CDH13: variants seen among roughly 807,000 people sequenced by gnomAD.
CDH13 encodes cadherin 13.
A neutral mutation model predicts 63.8 loss-of-function variants in CDH13; 24 were observed. That is an observed-to-expected ratio of 0.38 (90% CI 0.27 to 0.53). The LOEUF (loss-of-function observed/expected upper bound fraction) is 0.53, where lower values mean the gene tolerates loss of function less well. Among genes scored for constraint, CDH13 ranks in the 20% least tolerant of loss-of-function variants. The probability of loss-of-function intolerance (pLI) is 0.85; values close to 1 mark genes in which losing one functional copy is unlikely to be tolerated. For synonymous variants in CDH13, 503 were observed against 355.3 expected (o/e 1.42, Z -4.67); for missense variants, 1,049 against 903.1 (o/e 1.16, Z -2.07).
At chr16:82,784,016 G>T (rs1003006420) in intron 1 of CDH13, among the ~76,000 whole-genome samples, 1 of 152,142 alleles carries the variant, frequency 6.6e-6, no homozygotes, top group Non-Finnish European at 1.5e-5. Flanking sequence ...GGAGGTGTGT[G>T]TGGCTGGGCA....
At chr16:83,123,323 A>G (rs1015523980) in intron 3 of CDH13, among the ~76,000 whole-genome samples, 4 of 151,894 alleles carry the variant, frequency 2.6e-5, no homozygotes, top group Admixed American at 6.6e-5. Context: ...CTTGTTGCCC[A>G]GGCTGGAGTG....
intron 1 of CDH13, among the ~76,000 whole-genome samples, chr16:82,668,039 A>T (rs1912810254): frequency 1.3e-5 from 2 of 152,112 alleles, no homozygotes; most frequent in African/African-American, 4.8e-5. Flanking sequence ...GAATCTTTAG[A>T]GATTATCTGT....
chr16:83,014,547 A>G (rs985956172), intron 2 of CDH13, among the ~76,000 whole-genome samples: 5 of 150,800 alleles, frequency 3.3e-5, no homozygotes, highest in African/African-American at 9.7e-5. Context: ...CAGCCTGGCC[A>G]ACATGGTGAA....
At chr16:83,787,842 C>T (rs1014290245) in intron 13 of CDH13, among the ~76,000 whole-genome samples, 1 of 152,240 alleles carries the variant, frequency 6.6e-6, no homozygotes. Flanking sequence ...ACTCGGGAGG[C>T]TGAGGCAGGA....
At chr16:82,719,557 C>G in intron 1 of CDH13, 1 of 406,440 alleles carries the variant, frequency 2.5e-6, no homozygotes, top group East Asian at 7.2e-5. Flanking sequence ...TTGATTAAAA[C>G]AAGTTAGGAT....
intron 1 of CDH13, among the ~76,000 whole-genome samples, chr16:82,627,804 C>T (rs139512845): frequency 6.6e-6 from 1 of 152,322 alleles, no homozygotes; most frequent in East Asian, 1.9e-4. Context: ...CGGAGCGTGT[C>T]CCCCGCCAGG....
At chr16:83,100,605 T>C (rs908375913) in intron 3 of CDH13, among the ~76,000 whole-genome samples, 1 of 152,262 alleles carries the variant, frequency 6.6e-6, no homozygotes, top group African/African-American at 2.4e-5. Context: ...TTCCCATGTC[T>C]GAAACTGTCT....
At chr16:83,529,414 G>C (rs1210305224) in intron 7 of CDH13, among the ~76,000 whole-genome samples, 1 of 151,830 alleles carries the variant, frequency 6.6e-6, no homozygotes, top group Non-Finnish European at 1.5e-5. Flanking sequence ...GTTTTTTGTA[G>C]GTACAAAAAA....
chr16:83,094,923 G>A (rs1278995845), intron 3 of CDH13, among the ~76,000 whole-genome samples: 1 of 152,118 alleles, frequency 6.6e-6, no homozygotes, highest in East Asian at 1.9e-4. Flanking sequence ...TTGAAAACCG[G>A]TTTGATGATG....
chr16:82,789,700 AG>A (rs1205055661), intron 1 of CDH13, among the ~76,000 whole-genome samples: 2 of 152,240 alleles, frequency 1.3e-5, no homozygotes, highest in Non-Finnish European at 2.9e-5. Flanking sequence ...TTTCATAAAC[AG>A]GGCTGTGCTG....
At chr16:83,763,068 C>G (rs1051884979) in intron 11 of CDH13, among the ~76,000 whole-genome samples, 1 of 152,138 alleles carries the variant, frequency 6.6e-6, no homozygotes, top group African/African-American at 2.4e-5. Context: ...TCATATTCCC[C>G]ATCTATTTCC....
intron 2 of CDH13, among the ~76,000 whole-genome samples, chr16:82,930,035 G>C (rs1257354614): frequency 1.6e-5 from 2 of 121,338 alleles, no homozygotes; most frequent in South Asian, 2.7e-4. Context: ...GCATTAGTTT[G>C]TCTCTTTTTT....
chr16:83,216,003 C>G (rs2039494490), intron 4 of CDH13, among the ~76,000 whole-genome samples: 2 of 147,374 alleles, frequency 1.4e-5, no homozygotes, highest in Admixed American at 6.8e-5. Context: ...CATACTTTGA[C>G]CCCAACTGCT....
chr16:83,478,508 T>G (rs2073671187), intron 6 of CDH13, among the ~76,000 whole-genome samples: 1 of 152,158 alleles, frequency 6.6e-6, no homozygotes, highest in South Asian at 2.1e-4. Flanking sequence ...CTGGATCAAA[T>G]GCACAGCTGG....
At chr16:82,963,379 C>G (rs1354882875) in intron 2 of CDH13, among the ~76,000 whole-genome samples, 2 of 152,080 alleles carry the variant, frequency 1.3e-5, no homozygotes, top group Non-Finnish European at 2.9e-5. Flanking sequence ...AACTCTGTCT[C>G]AAAGAAAAGA....
intron 10 of CDH13, among the ~76,000 whole-genome samples, chr16:83,690,468 T>C (rs967813231): frequency 9.9e-5 from 15 of 151,926 alleles, no homozygotes; most frequent in Admixed American, 3.9e-4. Context: ...CGAGGCAGAG[T>C]GTGCAGGATT....
intron 1 of CDH13, among the ~76,000 whole-genome samples, chr16:82,821,942 G>A (rs1319692339): frequency 6.6e-6 from 1 of 152,158 alleles, no homozygotes; most frequent in Non-Finnish European, 1.5e-5. Context: ...AGAATGTGTG[G>A]CAAAGGGAAC....
intron 7 of CDH13, among the ~76,000 whole-genome samples, chr16:83,563,604 C>A (rs544618376): frequency 1.2e-4 from 19 of 152,232 alleles, no homozygotes; most frequent in African/African-American, 4.6e-4. Flanking sequence ...TACATATAGC[C>A]TTACGAATCC....
chr16:83,499,876 C>A (rs866219165), intron 7 of CDH13, among the ~76,000 whole-genome samples: 1 of 152,064 alleles, frequency 6.6e-6, no homozygotes, highest in Non-Finnish European at 1.5e-5. Context: ...GATCTCAGCT[C>A]ACTGCAATCT....
Sources: gnomAD v4.1 joint callset for allele counts (sites outside exome capture counted in the v4.1 genomes callset) on GRCh38, gnomAD v4.1.1 for gene constraint, MANE v1.5 for transcripts, NCBI Gene and HGNC (gene_info 2026-07-23, HGNC 2026-07-21) for gene names.